EDC3: variants seen among roughly 807,000 people sequenced by gnomAD.
The protein encoded by EDC3 is enhancer of mRNA decapping 3.
In EDC3, 20 loss-of-function variants were observed where a neutral mutation model predicts 41.8. The observed-to-expected ratio is 0.48, with a 90% confidence interval of 0.34 to 0.70. The LOEUF (loss-of-function observed/expected upper bound fraction) is 0.70, where lower values mean the gene tolerates loss of function less well. Ranked by LOEUF, EDC3 falls within the 30% of genes least tolerant of loss-of-function variation. EDC3 has a pLI of 0.01. For synonymous variants in EDC3, 206 were observed against 243.2 expected (o/e 0.85, Z 1.42); for missense variants, 444 against 636.8 (o/e 0.70, Z 3.26).
intron 1 of EDC3, among the ~76,000 whole-genome samples, chr15:74,692,463 T>G (rs1466576348): frequency 6.6e-6 from 1 of 152,132 alleles, no homozygotes; most frequent in African/African-American, 2.4e-5. Flanking sequence ...CTACACAAAC[T>G]ATTTCAGAAA....
At chr15:74,660,639 C>T (rs937974949) in intron 3 of EDC3, among the ~76,000 whole-genome samples, 36 of 152,160 alleles carry the variant, frequency 2.4e-4, no homozygotes, top group African/African-American at 8.0e-4. Context: ...GGATTATCAA[C>T]GTACTGCCTC....
At chr15:74,654,253 CAAA>C (rs61594463) in intron 4 of EDC3, among the ~76,000 whole-genome samples, 8 of 96,690 alleles carry the variant, frequency 8.3e-5, no homozygotes, top group Non-Finnish European at 1.2e-4. Flanking sequence ...GACTTCGTCT[CAAA>C]AAAAAAAAAA....
intron 1 of EDC3, among the ~76,000 whole-genome samples, chr15:74,681,880 T>G (rs1483769142): frequency 6.6e-6 from 1 of 152,122 alleles, no homozygotes; most frequent in Non-Finnish European, 1.5e-5. Flanking sequence ...GCACAATCCA[T>G]AAAAAGAAAA....
intron 6 of EDC3, among the ~76,000 whole-genome samples, 194 bp from the exon 7 acceptor site, chr15:74,633,140 A>C (rs565767981): frequency 1.3e-5 from 2 of 152,236 alleles, no homozygotes; most frequent in Non-Finnish European, 2.9e-5. Context: ...GCTGAGTGCT[A>C]GAGACCAAGT....
At chr15:74,662,435 A>AT (rs759030734) in intron 3 of EDC3, among the ~76,000 whole-genome samples, 219 of 137,780 alleles carry the variant, frequency 1.6e-3, no homozygotes, top group East Asian at 4.9e-3. Context: ...ATATATATAT[A>AT]TTTTTTTTTT....
chr15:74,694,685 A>C (rs2063045625), intron 1 of EDC3, among the ~76,000 whole-genome samples: 1 of 152,134 alleles, frequency 6.6e-6, no homozygotes, highest in South Asian at 2.1e-4. Flanking sequence ...ATTTTTTTAG[A>C]GTGCATCTTC....
intron 3 of EDC3, among the ~76,000 whole-genome samples, chr15:74,664,117 G>A (rs947096602): frequency 6.6e-6 from 1 of 152,110 alleles, no homozygotes; most frequent in Non-Finnish European, 1.5e-5. Context: ...TTTCCCAAGA[G>A]GAAATACTGA....
At position 74,632,541 on chromosome 15, in the gene EDC3, C is replaced by A. The variant is rs1260649461; in HGVS notation, c.*71G>T. The A allele has an allele frequency of 4.6e-6, 7 of 1,530,270 alleles. No individual in the cohort carries two copies. The highest frequency in any genetic ancestry group is 1.4e-5 in the African/African-American group (1 of 72,806). 94.8% of individuals were successfully genotyped at this position (1,530,270 alleles called of 1,614,324 possible). A position where few individuals can be genotyped will look rare whatever the true frequency, so the allele number is the denominator to read the frequency against. On this transcript the variant is annotated 3_prime_UTR_variant, in exon 7 of 7. Transcript: ENST00000315127. This position sits in a 1 kb window ranked among gnomAD's most constrained non-coding sequence, Gnocchi z 4.0. ...AAAAACTTTAACAAGGTCCATGAAG[C>A]TTCATATCCTTAAGGCGTTTGTTAT...
At chr15:74,639,662 C>T (rs1220854659) in intron 5 of EDC3, 1 of 150,978 alleles carries the variant, frequency 6.6e-6, no homozygotes, top group Non-Finnish European at 1.5e-5. Context: ...TTGCAGTGAG[C>T]TGAGATTGTG....
chr15:74,663,663 G>C (rs1300312514), intron 3 of EDC3, among the ~76,000 whole-genome samples: 2 of 144,362 alleles, frequency 1.4e-5, no homozygotes, highest in Non-Finnish European at 3.0e-5. Flanking sequence ...TGGGAGGAGA[G>C]AGTGCAGCAT....
Position 74,671,836 on chromosome 15 carries a change from GATC to G in EDC3, c.165-65_165-63del. 6.6e-7 allele frequency: 1 copy of G among 1,505,164 alleles called. No individual in the cohort carries two copies. The highest frequency in any genetic ancestry group is 9.2e-7 in the Non-Finnish European group (1 of 1,091,720). 93.2% of individuals were successfully genotyped at this position (1,505,164 alleles called of 1,614,324 possible). A position where few individuals can be genotyped will look rare whatever the true frequency, so the allele number is the denominator to read the frequency against. On this transcript the variant is annotated intron_variant, in intron 2 of 6. Coordinates refer to ENST00000315127, the MANE Select transcript of EDC3 (RefSeq NM_025083.5). This position sits in a 1 kb window ranked among gnomAD's most constrained non-coding sequence, Gnocchi z 4.6. ...ATAGTGGTAAGAATGATGAAACTGA[GATC>G]ATTAGCAAACAGCTACCCCTTTGCA...
At chr15:74,674,078 G>A (rs1038019642) in intron 2 of EDC3, among the ~76,000 whole-genome samples, 2 of 152,234 alleles carry the variant, frequency 1.3e-5, no homozygotes, top group Admixed American at 6.5e-5. Context: ...GGACAGTACT[G>A]TACTTTAAAA....
At chr15:74,635,693 C>A (rs1020047747) in intron 5 of EDC3, 67 bp from the exon 6 acceptor site, 11 of 1,413,780 alleles carry the variant, frequency 7.8e-6, no homozygotes, top group East Asian at 2.3e-5. Context: ...CTATACCAGA[C>A]AATTGCCTGT....
intron 1 of EDC3, among the ~76,000 whole-genome samples, chr15:74,686,682 AG>A (rs942123866): frequency 6.6e-6 from 1 of 152,160 alleles, no homozygotes; most frequent in Non-Finnish European, 1.5e-5. Flanking sequence ...TAGGAGGCTG[AG>A]GTGGGAAAAC....
At chr15:74,676,415 C>G (rs2062807801) in intron 1 of EDC3, among the ~76,000 whole-genome samples, 1 of 151,788 alleles carries the variant, frequency 6.6e-6, no homozygotes, top group Non-Finnish European at 1.5e-5. Flanking sequence ...CAAGAAACAA[C>G]TAAGAAAAAT....
At chr15:74,657,741 C>A (rs1221337696) in intron 3 of EDC3, among the ~76,000 whole-genome samples, 1 of 152,222 alleles carries the variant, frequency 6.6e-6, no homozygotes, top group Admixed American at 6.5e-5. Context: ...GGCTAGATCC[C>A]AGCAGCAGGG....
intron 1 of EDC3, among the ~76,000 whole-genome samples, chr15:74,684,499 A>AAC (rs35782897): frequency 1.3e-5 from 2 of 150,588 alleles, no homozygotes; most frequent in African/African-American, 4.9e-5. Flanking sequence ...AAAAAAAAAA[A>AAC]GGTGGGGTTG....
At chr15:74,687,355 T>C (rs2062950489) in intron 1 of EDC3, among the ~76,000 whole-genome samples, 1 of 152,120 alleles carries the variant, frequency 6.6e-6, no homozygotes, top group South Asian at 2.1e-4. Flanking sequence ...ATTAGCAGGC[T>C]CATACAGGCT....
intron 5 of EDC3, 98 bp from the exon 6 acceptor site, chr15:74,635,724 C>T: frequency 9.0e-7 from 1 of 1,108,152 alleles, no homozygotes. Flanking sequence ...GGTCTCAGAT[C>T]TCTTACCCAC....
Sources: gnomAD v4.1 joint callset for allele counts (sites outside exome capture counted in the v4.1 genomes callset) on GRCh38, gnomAD v4.1.1 for gene constraint, Gnocchi (gnomAD v3.1) non-coding constraint, MANE v1.5 for transcripts, NCBI Gene and HGNC (gene_info 2026-07-23, HGNC 2026-07-21) for gene names.